NRG4: variants seen among roughly 807,000 people sequenced by gnomAD.
NRG4 encodes the protein neuregulin 4, also known as pro-neuregulin-4, membrane-bound isoform.
Under a neutral mutation model 15.0 loss-of-function variants are expected in NRG4, and 10 were observed. The observed-to-expected ratio is 0.67, with a 90% CI of 0.41 to 1.13. The LOEUF (loss-of-function observed/expected upper bound fraction) is 1.13, where lower values mean the gene tolerates loss of function less well. NRG4 is among the 50% of genes most tolerant of loss of function. NRG4 has a pLI of 0.00. For missense variants in NRG4, 139 were observed against 140.2 expected (o/e 0.99, Z 0.04); for synonymous variants, 41 against 50.1 (o/e 0.82, Z 0.77).
In NRG4 at chr15:76,035,941, CA is replaced by C. The variant is rs2035587602; in HGVS notation, c.-57+2del. The stretch of plus-strand genomic sequence containing the variant: ...AAAAATATTTAAGGTGCCTGTTGCT[CA>C]CCAAGAAATCTCTTGATTATAATTT... On this transcript the variant is annotated splice_donor_variant, in intron 5 of 8. Coordinates refer to the NRG4 transcript ENST00000563910. LOFTEE classifies it low-confidence loss of function (5UTR_SPLICE). 6.6e-6 allele frequency: 1 copy of C among 152,166 alleles called. No homozygotes were observed. Among genetic ancestry groups the C allele is most frequent in the African/African-American group, 2.4e-5 (1 of 41,434 alleles). 9.4% of individuals were successfully genotyped at this position (152,166 alleles called of 1,614,324 possible).
upstream of NRG4, among the ~76,000 whole-genome samples, chr15:76,015,972 G>C (rs901230229): frequency 6.6e-6 from 1 of 152,090 alleles, no homozygotes; most frequent in African/African-American, 2.4e-5. Flanking sequence ...AATCTGTCTT[G>C]TCCTGGACTT....
At chr15:76,007,937 T>C (rs926747736) in intron 3 of NRG4, among the ~76,000 whole-genome samples, 1 of 152,164 alleles carries the variant, frequency 6.6e-6, no homozygotes, top group Non-Finnish European at 1.5e-5. Context: ...AAAATTATTT[T>C]CTAAGGTCTC....
intron 5 of NRG4, among the ~76,000 whole-genome samples, chr15:76,023,158 AC>A (rs1169918062): frequency 7.3e-5 from 11 of 150,064 alleles, no homozygotes; most frequent in Non-Finnish European, 1.5e-4. Flanking sequence ...ACACACACAC[AC>A]ACACACACAC....
chr15:76,058,995 A>G (rs2036224938), intron 1 of NRG4, among the ~76,000 whole-genome samples: 1 of 152,098 alleles, frequency 6.6e-6, no homozygotes, highest in Admixed American at 6.5e-5. Context: ...ACTGGCAATC[A>G]TGGCCCTAGG....
chr15:75,954,246 A>G (rs1595949393), intron 5 of NRG4, among the ~76,000 whole-genome samples: 1 of 146,518 alleles, frequency 6.8e-6, no homozygotes, highest in Non-Finnish European at 1.5e-5. Flanking sequence ...TGTTAATACC[A>G]TCCAGTTTTT....
chr15:76,009,027 CTATTT>C (rs1042835373), intron 3 of NRG4, among the ~76,000 whole-genome samples, 168 bp downstream of exon 3: 3 of 152,068 alleles, frequency 2.0e-5, no homozygotes, highest in Admixed American at 6.6e-5. Flanking sequence ...TTTTTATGTG[CTATTT>C]TATTTTGTTT....
At chr15:76,058,481 A>C (rs936519153) in intron 1 of NRG4, among the ~76,000 whole-genome samples, 3 of 152,198 alleles carry the variant, frequency 2.0e-5, no homozygotes, top group Non-Finnish European at 4.4e-5. Flanking sequence ...TAATCCAGGG[A>C]AGGTAGTCCA....
In NRG4 at chr15:75,942,267, A is replaced by C. The variant is rs969338798; in HGVS notation, c.*1371T>G. 4.6e-5 allele frequency: 7 copies of C among 152,186 alleles called. No homozygotes were observed. The highest frequency in any genetic ancestry group is 2.6e-4 in the Admixed American group (4 of 15,280). The allele number at this position is 152,186 out of a possible 1,614,324, so 9.4% of individuals were successfully genotyped here. A position where few individuals can be genotyped will look rare whatever the true frequency, so the allele number is the denominator to read the frequency against. On this transcript the variant is annotated 3_prime_UTR_variant, in exon 6 of 6. Transcript: ENST00000394907. ...CATTATATATTGGTCAAAATCCATAAAGACATACAACAAAAAGAGGACCCT... is the reference window on the plus strand; with the variant it reads ...CATTATATATTGGTCAAAATCCATACAGACATACAACAAAAAGAGGACCCT...
At chr15:76,016,384 G>T (rs1163865609), upstream of NRG4, among the ~76,000 whole-genome samples, 1 of 152,114 alleles carries the variant, frequency 6.6e-6, no homozygotes, top group East Asian at 1.9e-4. Context: ...GCTAGATTTT[G>T]AATTTGTTTG....
intron 3 of NRG4, among the ~76,000 whole-genome samples, chr15:76,052,405 C>A (rs2036042292): frequency 6.6e-6 from 1 of 150,854 alleles, no homozygotes; most frequent in African/African-American, 2.5e-5. Flanking sequence ...TTACTATTTC[C>A]AAATAAAAGG....
At chr15:75,996,098 A>C (rs1171818848) in intron 3 of NRG4, among the ~76,000 whole-genome samples, 1 of 152,180 alleles carries the variant, frequency 6.6e-6, no homozygotes. Flanking sequence ...GCTCACATCA[A>C]CTCAAGCCTG....
At chr15:76,018,849 G>A (rs1038127941) in intron 5 of NRG4, among the ~76,000 whole-genome samples, 10 of 152,158 alleles carry the variant, frequency 6.6e-5, no homozygotes, top group African/African-American at 1.4e-4. Context: ...AGCAGAGCTC[G>A]GATGCTGTGC....
intron 3 of NRG4, among the ~76,000 whole-genome samples, chr15:75,999,762 A>G (rs1183567853): frequency 6.6e-6 from 1 of 152,234 alleles, no homozygotes; most frequent in African/African-American, 2.4e-5. Flanking sequence ...GAGACTTGGC[A>G]CAGTGGCTTA....
intron 4 of NRG4, among the ~76,000 whole-genome samples, chr15:75,956,932 T>C (rs2032271500): frequency 6.6e-6 from 1 of 152,236 alleles, no homozygotes; most frequent in South Asian, 2.1e-4. Flanking sequence ...TTTATTTATT[T>C]TTAACTAATT....
chr15:76,021,797 T>A (rs1433982157), intron 5 of NRG4, among the ~76,000 whole-genome samples: 1 of 152,312 alleles, frequency 6.6e-6, no homozygotes, highest in East Asian at 1.9e-4. Flanking sequence ...ACCATGTGAT[T>A]CCAAAGTAGA....
intron 5 of NRG4, 136 bp from the exon 6 acceptor site, chr15:75,943,790 A>G: frequency 1.7e-6 from 1 of 596,708 alleles, no homozygotes; most frequent in African/African-American, 1.9e-5. Flanking sequence ...GTGTTGAGGT[A>G]AACTAACCTA....
chr15:75,952,999 C>A (rs1471815318), intron 5 of NRG4, among the ~76,000 whole-genome samples: 1 of 152,106 alleles, frequency 6.6e-6, no homozygotes, highest in East Asian at 1.9e-4. Flanking sequence ...CTTGGAAGCA[C>A]AAAAGTTTTT....
chr15:76,002,933 G>A (rs1172192565), intron 3 of NRG4, among the ~76,000 whole-genome samples: 7 of 152,096 alleles, frequency 4.6e-5, no homozygotes. Context: ...CAAAATATCA[G>A]TCTGGAAAGA....
intron 3 of NRG4, among the ~76,000 whole-genome samples, chr15:75,964,934 G>GA (rs923402494): frequency 6.6e-6 from 1 of 150,850 alleles, no homozygotes; most frequent in Non-Finnish European, 1.5e-5. Context: ...ATAAAAAAAA[G>GA]AAAAAAAGAG....
Sources: gnomAD v4.1 joint callset for allele counts (sites outside exome capture counted in the v4.1 genomes callset) on GRCh38, gnomAD v4.1.1 for gene constraint, MANE v1.5 for transcripts, NCBI Gene and HGNC (gene_info 2026-07-23, HGNC 2026-07-21) for gene names.